Variants in FLRT3 observed in about 807,000 individuals in gnomAD.
The protein encoded by FLRT3 is leucine-rich repeat transmembrane protein FLRT3.
A neutral mutation model predicts 42.6 loss-of-function variants in FLRT3; 17 were observed. The ratio of observed to expected loss-of-function variants is 0.40; its 90% CI spans 0.27 to 0.60. FLRT3 has a LOEUF of 0.60. Among genes scored for constraint, FLRT3 ranks in the 20% least tolerant of loss-of-function variants. The pLI, the probability that FLRT3 is intolerant of heterozygous loss-of-function variation, is 0.44. For missense variants in FLRT3, 635 were observed against 789.2 expected (o/e 0.80, Z 2.34); for synonymous variants, 279 against 286.4 (o/e 0.97, Z 0.26).
chr20:14,329,169 T>C lies in FLRT3; in HGVS notation c.-88A>G. On this transcript the variant is annotated 5_prime_UTR_variant, in exon 2 of 3. Transcript: ENST00000341420. ...ATAGCTATTTCCAGCTTTTGCTTCT[T>C]GCTGATTTTTCAGAATGTCTGGTGC... The C allele has an allele frequency of 6.6e-6, 1 of 151,372 alleles. No individual in the cohort carries two copies. Among genetic ancestry groups the C allele is most frequent in the East Asian group, 2.2e-4 (1 of 4,528 alleles). 9.4% of individuals were successfully genotyped at this position (151,372 alleles called of 1,614,324 possible).
At position 14,326,389 on chromosome 20, in the gene FLRT3, G is replaced by A. The variant is rs1343984896; in HGVS notation, c.1118C>T (p.Thr373Ile). ...TIQITTAIPN[T>I]VYPAQGQWPA... ...CCACTGTCCTTGGGCAGGATACACT[G>A]TGTTGGGTATTGCAGTGGTTATCTG... The change falls in exon 3 of 3, where the codon ACA becomes ATA. Residue 373 changes from threonine to isoleucine, a missense_variant. Coordinates refer to ENST00000341420, the MANE Select transcript of FLRT3 (RefSeq NM_198391.3). The surrounding 1 kb of genome is among the most constrained non-coding windows in gnomAD (Gnocchi z 5.5). The A allele has an allele frequency of 6.2e-7, 1 of 1,613,748 alleles. No individual in the cohort carries two copies. Among genetic ancestry groups the A allele is most frequent in the African/African-American group, 1.3e-5 (1 of 74,882 alleles).
intron 1 of FLRT3, among the ~76,000 whole-genome samples, chr20:14,336,844 T>A (rs1203899990): frequency 6.6e-6 from 1 of 152,238 alleles, no homozygotes; most frequent in Non-Finnish European, 1.5e-5. Flanking sequence ...TTGAAGCAGC[T>A]CAGGCACGAT....
At chr20:14,332,160 C>A (rs2082854518) in intron 1 of FLRT3, among the ~76,000 whole-genome samples, 1 of 152,028 alleles carries the variant, frequency 6.6e-6, no homozygotes, top group Admixed American at 6.6e-5. Flanking sequence ...TAATAGGGAT[C>A]CTTATATTCA....
rs374161251 is a variant in FLRT3 at position 14,327,205 on chromosome 20, T to G, written c.302A>C (p.Asn101Thr). ...TAACTCTTTTACATACTTTGGGAGG[T>G]TGGTAGGAAATTCATCTAAACTGTT... ...YHNSLDEFPT[N>T]LPKYVKELHL... The change falls in exon 3 of 3, where the codon AAC becomes ACC. Residue 101 changes from asparagine (N) to threonine (T), a missense_variant. Coordinates refer to ENST00000341420, the MANE Select transcript of FLRT3 (RefSeq NM_198391.3). 1.9e-6 allele frequency: 3 copies of G among 1,613,674 alleles called. No homozygotes were observed. The South Asian group carries it at 3.3e-5, about 18-fold the overall frequency.
chr20:14,326,461 T>A lies in FLRT3; in HGVS notation c.1046A>T (p.Asn349Ile). 1.2e-6 allele frequency: 2 copies of A among 1,613,882 alleles called. No homozygotes were observed. The highest frequency in any genetic ancestry group is 2.2e-5 in the East Asian group (1 of 44,878). ...GTCCTTACAATCAAACAGTTCTGCATTGAGATCCTTAATAGCCATCCCACG... is the reference window on the plus strand; with the variant it reads ...GTCCTTACAATCAAACAGTTCTGCAATGAGATCCTTAATAGCCATCCCACG... ...KVRGMAIKDL[N>I]AELFDCKDSG... is the part of the protein sequence containing the mutation. Residue 349 changes from asparagine to isoleucine, a missense_variant, in exon 3 of 3, where the codon AAT becomes ATT. Transcript: ENST00000341420. The surrounding 1 kb of genome is among the most constrained non-coding windows in gnomAD (Gnocchi z 5.5).
rs1166239922 is a variant in FLRT3 at position 14,326,784 on chromosome 20, T to C, written c.723A>G (p.Pro241=). The C allele has an allele frequency of 6.2e-7, 1 of 1,613,824 alleles. No individual in the cohort carries two copies. Among genetic ancestry groups the C allele is most frequent in the Non-Finnish European group, 8.5e-7 (1 of 1,179,808 alleles). Residue 241 remains proline, a synonymous_variant, in exon 3 of 3, where the codon CCA becomes CCG. Transcript: ENST00000341420. This position sits in a 1 kb window ranked among gnomAD's most constrained non-coding sequence, Gnocchi z 5.5. ...TCAGGTTTGTGCCTGGAAGGTTTAC[T>C]GGTGCAGCAGTCAGGGAATTCCGCA... ...SLVRNSLTAA[P]VNLPGTNLRK...
Position 14,327,292 on chromosome 20 carries a change from T to C in FLRT3, c.215A>G (p.Asn72Ser). 1 of 1,613,840 alleles carries C rather than the reference T, an allele frequency of 6.2e-7. No homozygotes were observed. Among genetic ancestry groups the C allele is most frequent in the South Asian group, 1.1e-5 (1 of 91,086 alleles). ...TLYLQNNQIN[N>S]AGIPSDLKNL... ...TTTCAAATCTGAAGGAATCCCAGCA[T>C]TATTTATTTGGTTGTTCTGAAGGTA... Residue 72 changes from asparagine (N) to serine (S), a missense_variant, in exon 3 of 3, where the codon AAT (asparagine) becomes AGT (serine). Coordinates refer to ENST00000341420, the MANE Select transcript of FLRT3 (RefSeq NM_198391.3).
At chr20:14,327,664 T>C (rs1040068793) in intron 2 of FLRT3, 106 bp from the exon 3 acceptor site, 1 of 856,176 alleles carries the variant, frequency 1.2e-6, no homozygotes, top group East Asian at 2.8e-5. Context: ...TCACTTTTAA[T>C]ATTTTCATTT....
intron 1 of FLRT3, among the ~76,000 whole-genome samples, chr20:14,334,928 A>G (rs1217716043): frequency 6.6e-6 from 1 of 152,160 alleles, no homozygotes; most frequent in African/African-American, 2.4e-5. Context: ...CCTTAAAAAG[A>G]GGCATAGAAG....
In FLRT3 at chr20:14,326,325, G is replaced by C. The variant is rs761689719; in HGVS notation, c.1182C>G (p.Pro394=). The C allele has an allele frequency of 4.3e-5, 70 of 1,613,710 alleles. No individual in the cohort carries two copies. Among genetic ancestry groups the C allele is most frequent in the Non-Finnish European group, 5.3e-5 (63 of 1,179,838 alleles). ...PVTKQPDIKN[P]KLTKDHQTTG... is the part of the protein sequence containing the mutation. ...TGGTTTGGTGATCCTTAGTGAGCTT[G>C]GGGTTCTTAATATCTGGCTGTTTGG... Residue 394 remains proline (P), a synonymous_variant, in exon 3 of 3, where the codon CCC becomes CCG. Transcript: ENST00000341420. This position sits in a 1 kb window ranked among gnomAD's most constrained non-coding sequence, Gnocchi z 5.5.
In FLRT3 at chr20:14,323,800, G is replaced by T. The variant is rs950719718; in HGVS notation, c.*1757C>A. 4 of 152,066 alleles carry T rather than the reference G, an allele frequency of 2.6e-5. No individual in the cohort carries two copies. Among genetic ancestry groups the T allele is most frequent in the Admixed American group, 2.0e-4 (3 of 15,246 alleles). The allele number at this position is 152,066 out of a possible 1,614,324, so 9.4% of individuals were successfully genotyped here. A position where few individuals can be genotyped will look rare whatever the true frequency, so the allele number is the denominator to read the frequency against. On this transcript the variant is annotated 3_prime_UTR_variant, in exon 3 of 3. Transcript: ENST00000341420. ...CAAATGCCAACTCACTCTACTAAAA[G>T]GCTATTTTAAAAAAACAGTTTTTCA...
rs1354578995 is a variant in FLRT3, at chr20:14,325,587, A to G, written c.1920T>C (p.Gly640=). The G allele has an allele frequency of 1.2e-6, 2 of 1,612,768 alleles. No homozygotes were observed. The highest frequency in any genetic ancestry group is 1.7e-5 in the Admixed American group (1 of 59,980). Residue 640 remains glycine (G), a synonymous_variant, in exon 3 of 3, where the codon GGT becomes GGC. Coordinates refer to ENST00000341420, the MANE Select transcript of FLRT3 (RefSeq NM_198391.3). ...SSSNRSYRDS[G]IPDSDHSHS is the part of the protein sequence containing the mutation. ...AGTGTGAGTGATCTGAGTCTGGAAT[A>G]CCACTGTCTCTGTAGCTTCGGTTAC... is the stretch of plus-strand genomic sequence containing the variant.
intron 2 of FLRT3, among the ~76,000 whole-genome samples, chr20:14,328,720 G>A (rs1338261279): frequency 6.6e-6 from 1 of 151,960 alleles, no homozygotes; most frequent in Admixed American, 6.6e-5. Context: ...TAATCCTATG[G>A]CGTACACACC....
chr20:14,334,884 A>T (rs933829151), intron 1 of FLRT3, among the ~76,000 whole-genome samples: 5 of 152,108 alleles, frequency 3.3e-5, no homozygotes, highest in African/African-American at 4.8e-5. Flanking sequence ...TTTTGCCATT[A>T]ATCAATCACA....
intron 1 of FLRT3, among the ~76,000 whole-genome samples, chr20:14,331,998 G>A (rs949371057): frequency 2.0e-5 from 3 of 151,940 alleles, no homozygotes; most frequent in Non-Finnish European, 1.5e-5. Context: ...CTGTTAATGG[G>A]GTAACTTGGG....
rs1235362455 is a variant in FLRT3 at position 14,327,152 on chromosome 20, T to C, written c.355A>G (p.Ile119Val). Residue 119 changes from isoleucine to valine, a missense_variant, in exon 3 of 3, where the codon ATC becomes GTC. Ile to Val is a conservative substitution (Grantham distance 29). Transcript: ENST00000341420. ...ATTTTTGAAAGTGAATCATAAGTGA[T>C]AGTCCTTATGTTATTTTCTTGCAAA... is the stretch of plus-strand genomic sequence containing the variant. ...LHLQENNIRT[I>V]TYDSLSKIPY... is the part of the protein sequence containing the mutation. 2 of 1,613,692 alleles carry C rather than the reference T, an allele frequency of 1.2e-6. No individual in the cohort carries two copies. The highest frequency in any genetic ancestry group is 3.3e-5 in the Admixed American group (2 of 59,972).
rs1052741523 is a variant in FLRT3, at chr20:14,325,500, T to G, written c.*57A>C. The G allele has an allele frequency of 1.0e-5, 16 of 1,532,660 alleles. No homozygotes were observed. Among genetic ancestry groups the G allele is most frequent in the South Asian group, 2.6e-5 (2 of 76,454 alleles). 94.9% of individuals were successfully genotyped at this position (1,532,660 alleles called of 1,614,324 possible). On this transcript the variant is annotated 3_prime_UTR_variant, in exon 3 of 3. Transcript: ENST00000341420. ...TTGCAGTAGAACAGGGTTCCTACCA[T>G]CACCTCCCTTAGGTTTAAAAAACCC...
intron 2 of FLRT3, among the ~76,000 whole-genome samples, chr20:14,328,138 T>G (rs2082768980): frequency 6.6e-6 from 1 of 152,128 alleles, no homozygotes; most frequent in South Asian, 2.1e-4. Flanking sequence ...TTGCTTTGAT[T>G]ATTAATGTCA....
intron 2 of FLRT3, 39 bp from the exon 3 acceptor site, chr20:14,327,597 G>GGCCA: frequency 2.2e-6 from 3 of 1,348,514 alleles, no homozygotes; most frequent in South Asian, 3.0e-5. Context: ...AAAACAATAA[G>GGCCA]GCCAGCATAC....
Sources: gnomAD v4.1 joint callset for allele counts (sites outside exome capture counted in the v4.1 genomes callset) on GRCh38, gnomAD v4.1.1 for gene constraint, Gnocchi (gnomAD v3.1) non-coding constraint, MANE v1.5 for transcripts, NCBI Gene and HGNC (gene_info 2026-07-23, HGNC 2026-07-21) for gene names.